ST6GALNAC3: variants seen among roughly 807,000 people sequenced by gnomAD.
The protein encoded by ST6GALNAC3 is alpha-N-acetylgalactosaminide alpha-2,6-sialyltransferase 3.
ST6GALNAC3 carries 25 observed loss-of-function variants against 32.7 expected under a neutral mutation model. The ratio of observed to expected loss-of-function variants is 0.76; its 90% CI spans 0.56 to 1.07. ST6GALNAC3 has a LOEUF of 1.07. Ranked by LOEUF, ST6GALNAC3 falls within the 50% of genes least tolerant of loss-of-function variation. The pLI is 0.00. For synonymous variants in ST6GALNAC3, 129 were observed against 133.1 expected, an observed-to-expected ratio of 0.97 and a Z score of 0.21; for missense variants, 355 against 382.4, an observed-to-expected ratio of 0.93 and a Z score of 0.60.
intron 3 of ST6GALNAC3, among the ~76,000 whole-genome samples, chr1:76,435,515 A>ATATG (rs1236505794): frequency 4.6e-5 from 7 of 152,192 alleles, no homozygotes; most frequent in Non-Finnish European, 8.8e-5. Flanking sequence ...GATAGATCAT[A>ATATG]GATAATCATT....
chr1:76,396,856 C>A (rs1208989002), intron 2 of ST6GALNAC3, among the ~76,000 whole-genome samples: 1 of 152,144 alleles, frequency 6.6e-6, no homozygotes, highest in East Asian at 1.9e-4. Flanking sequence ...TAATCTTGAT[C>A]TTCTAAAGTC....
intron 1 of ST6GALNAC3, among the ~76,000 whole-genome samples, chr1:76,175,215 A>G (rs1406722920): frequency 3.9e-5 from 6 of 152,146 alleles, no homozygotes; most frequent in Non-Finnish European, 8.8e-5. Flanking sequence ...TAAAGACTTT[A>G]GACATGTATA....
chr1:76,207,893 G>A (rs1406741970), intron 1 of ST6GALNAC3, among the ~76,000 whole-genome samples: 2 of 152,092 alleles, frequency 1.3e-5, no homozygotes. Context: ...ATGCTCCAAT[G>A]TGCCTAACAT....
At chr1:76,473,368 G>T (rs1659157117) in intron 3 of ST6GALNAC3, among the ~76,000 whole-genome samples, 1 of 152,174 alleles carries the variant, frequency 6.6e-6, no homozygotes, top group African/African-American at 2.4e-5. Context: ...GCTTCCACAG[G>T]TGGGACATTT....
chr1:76,296,300 GTGCAA>G (rs2100833568), intron 1 of ST6GALNAC3, among the ~76,000 whole-genome samples: 1 of 152,150 alleles, frequency 6.6e-6, no homozygotes, highest in East Asian at 1.9e-4. Flanking sequence ...ATACATTTTT[GTGCAA>G]TGAAATGGTT....
At chr1:76,441,690 T>G (rs569578014) in intron 3 of ST6GALNAC3, among the ~76,000 whole-genome samples, 1 of 152,318 alleles carries the variant, frequency 6.6e-6, no homozygotes, top group South Asian at 2.1e-4. Flanking sequence ...TCACCCTTTA[T>G]TCTATCAAAT....
Position 76,233,898 on chromosome 1 carries a change from A to G in ST6GALNAC3, c.19-79907A>G, listed in dbSNP as rs1342267843. Among the ~76,000 whole-genome samples the G allele has an allele frequency of 2.0e-5, 3 of 152,178 alleles. No individual in the cohort carries two copies. In the East Asian group the frequency reaches 5.8e-4, roughly 29 times the overall value. The stretch of plus-strand genomic sequence containing the variant: ...ATGTGCAGTATACAAACAGATACAC[A>G]GTATATCTGTGATATTAAAATTTTA... On this transcript the variant is annotated intron_variant, in intron 1 of 4. Transcript: ENST00000328299.
chr1:76,277,668 A>G lies in ST6GALNAC3; in HGVS notation c.19-36137A>G, dbSNP rs532858741. 5.3e-5 allele frequency among the ~76,000 whole-genome samples: 8 copies of G among 151,396 alleles called. No homozygotes were observed. The East Asian group carries it at 1.6e-3, about 29-fold the overall frequency. On this transcript the variant is annotated intron_variant, in intron 1 of 4. Coordinates refer to ENST00000328299, the MANE Select transcript of ST6GALNAC3 (RefSeq NM_152996.4). ...CATATGTAGCTGTATATACACGAAT[A>G]TACACATATATGTCTTTAACTTAAC...
chr1:76,626,687 T>G (rs1371061200), intron 3 of ST6GALNAC3, among the ~76,000 whole-genome samples: 1 of 151,870 alleles, frequency 6.6e-6, no homozygotes, highest in Non-Finnish European at 1.5e-5. Context: ...CTCTGTCTTT[T>G]TCAGATCTTT....
At chr1:76,078,621 A>G (rs1205638048) in intron 1 of ST6GALNAC3, among the ~76,000 whole-genome samples, 2 of 152,276 alleles carry the variant, frequency 1.3e-5, no homozygotes, top group African/African-American at 2.4e-5. Flanking sequence ...GGGTTATTCT[A>G]AAGGTTAAAT....
At chr1:76,163,668 A>G (rs1651945369) in intron 1 of ST6GALNAC3, among the ~76,000 whole-genome samples, 1 of 152,132 alleles carries the variant, frequency 6.6e-6, no homozygotes, top group Admixed American at 6.5e-5. Context: ...TGGTGATTAT[A>G]AAATAATGGT....
At chr1:76,516,115 T>C (rs1218673790) in intron 3 of ST6GALNAC3, among the ~76,000 whole-genome samples, 4 of 152,192 alleles carry the variant, frequency 2.6e-5, no homozygotes, top group Non-Finnish European at 4.4e-5. Context: ...TGGATGGGCA[T>C]GCATATGCTG....
chr1:76,377,352 A>G (rs185040228), intron 2 of ST6GALNAC3, among the ~76,000 whole-genome samples: 276 of 152,266 alleles, frequency 1.8e-3, no homozygotes, highest in African/African-American at 6.1e-3. Flanking sequence ...AAGAAGGTTT[A>G]ATTGACTAAT....
intron 3 of ST6GALNAC3, among the ~76,000 whole-genome samples, chr1:76,496,231 A>C (rs1660839679): frequency 6.6e-6 from 1 of 152,118 alleles, no homozygotes; most frequent in South Asian, 2.1e-4. Flanking sequence ...CTGCGGTACA[A>C]AAAGTTAAGT....
In ST6GALNAC3 at chr1:76,634,064, C is replaced by T; in HGVS notation, c.*5258C>T. The T allele has an allele frequency of 1.7e-6, 1 of 602,880 alleles. No individual in the cohort carries two copies. The highest frequency in any genetic ancestry group is 2.1e-6 in the Non-Finnish European group (1 of 481,308). 37.3% of individuals were successfully genotyped at this position (602,880 alleles called of 1,614,324 possible). On this transcript the variant is annotated 3_prime_UTR_variant, in exon 5 of 5. Transcript: ENST00000328299. ...TTTCTTTTTTTTTTTCAGTTAACTA[C>T]TTGTTTGTTTCTTTTCAGAATAGGC...
intron 1 of ST6GALNAC3, among the ~76,000 whole-genome samples, chr1:76,172,070 G>A (rs1652553458): frequency 6.6e-6 from 1 of 150,902 alleles, no homozygotes; most frequent in Non-Finnish European, 1.5e-5. Flanking sequence ...AATAAACATT[G>A]ATACAAAAAC....
At chr1:76,140,797 ATTTTTTTT>A (rs3042284) in intron 1 of ST6GALNAC3, among the ~76,000 whole-genome samples, 14 of 120,390 alleles carry the variant, frequency 1.2e-4, no homozygotes, top group East Asian at 2.4e-4. Flanking sequence ...TAATTTTCTA[ATTTTTTTT>A]TTTTTTTTTT....
chr1:76,482,869 TC>T (rs1246231584), intron 3 of ST6GALNAC3, among the ~76,000 whole-genome samples: 1 of 114,840 alleles, frequency 8.7e-6, no homozygotes, highest in Non-Finnish European at 1.8e-5. Context: ...ATGCTATCCC[TC>T]CCCCCTCCCC....
chr1:76,288,441 G>T (rs1187498437), intron 1 of ST6GALNAC3, among the ~76,000 whole-genome samples: 1 of 152,136 alleles, frequency 6.6e-6, no homozygotes, highest in African/African-American at 2.4e-5. Flanking sequence ...ACTGTGTGCT[G>T]GGCTCTGGAC....
Sources: gnomAD v4.1 joint callset for allele counts (sites outside exome capture counted in the v4.1 genomes callset) on GRCh38, gnomAD v4.1.1 for gene constraint, MANE v1.5 for transcripts, NCBI Gene and HGNC (gene_info 2026-07-23, HGNC 2026-07-21) for gene names.